Variants in EXOC1 observed in about 807,000 individuals in gnomAD.
The protein encoded by EXOC1 is exocyst complex component 1.
Under a neutral mutation model 107.7 loss-of-function variants are expected in EXOC1, and 67 were observed. The observed-to-expected ratio is 0.62, with a 90% confidence interval of 0.51 to 0.76. The LOEUF (loss-of-function observed/expected upper bound fraction) is 0.76. Ranked by LOEUF, EXOC1 falls within the 30% of genes least tolerant of loss-of-function variation. The pLI, the probability that EXOC1 is intolerant of heterozygous loss-of-function variation, is 0.00. For missense variants in EXOC1, 833 were observed against 1,055.7 expected (o/e 0.79, Z 2.92); for synonymous variants, 348 against 353.5 (o/e 0.98, Z 0.17).
chr4:55,892,722 G>C lies in EXOC1; in HGVS notation c.1724+11G>C, dbSNP rs1324960903. ...GCCTGTTTCATCTGAGTATGTCTTT[G>C]TTACTATCATTGTTTATTTTGGAAA... On this transcript the variant is annotated intron_variant, in intron 14 of 18. Coordinates refer to ENST00000381295, the MANE Select transcript of EXOC1 (RefSeq NM_001024924.2). 1 of 1,613,032 alleles carries C rather than the reference G, an allele frequency of 6.2e-7. No homozygotes were observed. The highest frequency in any genetic ancestry group is 2.2e-5 in the East Asian group (1 of 44,854).
chr4:55,859,887 C>T (rs769046224), intron 2 of EXOC1, among the ~76,000 whole-genome samples: 87 of 152,192 alleles, frequency 5.7e-4, no homozygotes, highest in Middle Eastern at 3.4e-3. Context: ...CTCACTCAAT[C>T]GTAATGTATT....
At chr4:55,866,875 T>A (rs1722007912) in intron 4 of EXOC1, 1 of 985,244 alleles carries the variant, frequency 1.0e-6, no homozygotes, top group South Asian at 4.7e-5. Flanking sequence ...TCTCCAGAAC[T>A]GCCTAAAGTT....
intron 3 of EXOC1, among the ~76,000 whole-genome samples, chr4:55,863,823 A>G (rs1442574409): frequency 6.6e-6 from 1 of 152,216 alleles, no homozygotes; most frequent in Non-Finnish European, 1.5e-5. Flanking sequence ...GTCCAATTAC[A>G]GTTTCAAATA....
intron 3 of EXOC1, among the ~76,000 whole-genome samples, chr4:55,863,360 C>A (rs961935296): frequency 1.3e-5 from 2 of 152,074 alleles, no homozygotes; most frequent in African/African-American, 2.4e-5. Context: ...AACGTTAGGC[C>A]AGGAACAGGG....
Position 55,902,469 on chromosome 4 carries a change from A to C in EXOC1, c.2463A>C (p.Val821=). 6.4e-7 allele frequency: 1 copy of C among 1,571,956 alleles called. No homozygotes were observed. Among genetic ancestry groups the C allele is most frequent in the Non-Finnish European group, 8.6e-7 (1 of 1,162,708 alleles). The change falls in exon 18 of 19, where the codon GTA becomes GTC. Residue 821 remains valine, a synonymous_variant. Transcript: ENST00000381295. ...TTAAGGAGTACCCTGGAAAGGAAGT[A>C]AAAAAAGGTCTAGATAACCTCTACA... ...KVIKEYPGKE[V]KKGLDNLYKK...
At chr4:55,903,161 A>AAG (rs1259954406) in intron 18 of EXOC1, among the ~76,000 whole-genome samples, 1 of 87,298 alleles carries the variant, frequency 1.1e-5, no homozygotes, top group African/African-American at 3.7e-5. Flanking sequence ...AAAAAAAAAA[A>AAG]AAAGAAAGAA....
chr4:55,885,370 A>G (rs1171374046), intron 10 of EXOC1, among the ~76,000 whole-genome samples: 2 of 152,204 alleles, frequency 1.3e-5, no homozygotes, highest in East Asian at 1.9e-4. Flanking sequence ...CTGAAGTACA[A>G]TAGTATCTTA....
intron 18 of EXOC1, among the ~76,000 whole-genome samples, chr4:55,903,026 C>G (rs1038784660): frequency 6.6e-6 from 1 of 151,638 alleles, no homozygotes; most frequent in East Asian, 1.9e-4. Context: ...TGCCTGTAGT[C>G]CCAGCTACTC....
intron 10 of EXOC1, among the ~76,000 whole-genome samples, chr4:55,884,386 A>G (rs564267231): frequency 6.6e-6 from 1 of 152,304 alleles, no homozygotes; most frequent in South Asian, 2.1e-4. Flanking sequence ...CTCACTGGCT[A>G]TTTTGAATCA....
intron 3 of EXOC1, among the ~76,000 whole-genome samples, chr4:55,863,218 T>C (rs1721641262): frequency 6.6e-6 from 1 of 152,066 alleles, no homozygotes; most frequent in African/African-American, 2.4e-5. Context: ...TATATAATAG[T>C]CAAGTAGTTC....
chr4:55,875,556 G>T (rs1722819512), intron 8 of EXOC1: 10 of 983,016 alleles, frequency 1.0e-5, no homozygotes, highest in Non-Finnish European at 1.1e-5. Context: ...TCCTAGCTGG[G>T]TTACCTTGAA....
chr4:55,862,974 C>T (rs963936362), intron 3 of EXOC1, among the ~76,000 whole-genome samples: 1 of 152,126 alleles, frequency 6.6e-6, no homozygotes, highest in African/African-American at 2.4e-5. Context: ...AATCTTGGCT[C>T]ACTGCAGCCT....
intron 10 of EXOC1, among the ~76,000 whole-genome samples, chr4:55,886,139 A>G (rs1723847032): frequency 6.6e-6 from 1 of 152,108 alleles, no homozygotes; most frequent in African/African-American, 2.4e-5. Context: ...ATTTTGCCCA[A>G]CTCTAGGCTA....
intron 1 of EXOC1, among the ~76,000 whole-genome samples, chr4:55,857,392 T>G (rs1721096261): frequency 6.6e-6 from 1 of 151,726 alleles, no homozygotes; most frequent in Admixed American, 6.6e-5. Flanking sequence ...GTGGTCTCGA[T>G]CTCCTGACCT....
chr4:55,899,568 C>T (rs1725654467), intron 16 of EXOC1, 117 bp from the exon 17 acceptor site: 1 of 886,922 alleles, frequency 1.1e-6, no homozygotes. Flanking sequence ...GTATTAAGTC[C>T]AGAAATGTGC....
intron 7 of EXOC1, 138 bp from the exon 8 acceptor site, chr4:55,871,711 T>C (rs1487586739): frequency 9.0e-6 from 6 of 666,950 alleles, no homozygotes; most frequent in Non-Finnish European, 1.5e-5. Flanking sequence ...TTTCTCCTGC[T>C]TAACTTTTAT....
At chr4:55,880,059 T>C (rs1025172328) in intron 9 of EXOC1, among the ~76,000 whole-genome samples, 6 of 152,064 alleles carry the variant, frequency 3.9e-5, no homozygotes, top group African/African-American at 1.4e-4. Flanking sequence ...AAGGGTTAGG[T>C]AGAGATTTAT....
At chr4:55,899,061 C>T (rs1182888832) in intron 16 of EXOC1, among the ~76,000 whole-genome samples, 1 of 152,038 alleles carries the variant, frequency 6.6e-6, no homozygotes, top group Non-Finnish European at 1.5e-5. Flanking sequence ...CTAGGTATTA[C>T]CAATCTTTTT....
intron 3 of EXOC1, among the ~76,000 whole-genome samples, chr4:55,861,022 G>A (rs769883772): frequency 8.6e-5 from 13 of 150,344 alleles, no homozygotes; most frequent in Non-Finnish European, 1.8e-4. Context: ...TAGATAATAA[G>A]ATCTATGAAG....
Sources: allele counts gnomAD v4.1 joint callset (sites outside exome capture counted in the v4.1 genomes callset), GRCh38; gene constraint gnomAD v4.1.1; transcripts MANE v1.5; gene names NCBI Gene and HGNC (gene_info 2026-07-23, HGNC 2026-07-21).